Variants in ETF1 observed in about 807,000 individuals in gnomAD.
The protein encoded by ETF1 is eukaryotic peptide chain release factor subunit 1.
A neutral mutation model predicts 55.1 loss-of-function variants in ETF1; 4 were observed. That is an observed-to-expected ratio of 0.07 (90% CI 0.04 to 0.17). The LOEUF (loss-of-function observed/expected upper bound fraction) is 0.17. ETF1 is among the 10% of genes least tolerant of loss of function. The probability of loss-of-function intolerance (pLI) is 1.00; values close to 1 mark genes in which losing one functional copy is unlikely to be tolerated. For missense variants in ETF1, 142 were observed against 523.6 expected, an observed-to-expected ratio of 0.27 and a Z score of 7.11; for synonymous variants, 157 against 182.3, an observed-to-expected ratio of 0.86 and a Z score of 1.12.
intron 6 of ETF1, 179 bp downstream of exon 6, chr5:138,512,585 G>T (rs1310131119): frequency 4.0e-6 from 2 of 502,540 alleles, no homozygotes; most frequent in Non-Finnish European, 3.4e-6. Flanking sequence ...AAGAGAAGGG[G>T]TTCAGAAAAG....
intron 2 of ETF1, among the ~76,000 whole-genome samples, chr5:138,533,086 C>A (rs1276341426): frequency 6.6e-6 from 1 of 151,938 alleles, no homozygotes; most frequent in African/African-American, 2.4e-5. Context: ...ATTACAGACA[C>A]GGACCACCAC....
At chr5:138,535,322 A>G (rs1765874061) in intron 2 of ETF1, among the ~76,000 whole-genome samples, 1 of 136,224 alleles carries the variant, frequency 7.3e-6, no homozygotes, top group Non-Finnish European at 1.6e-5. Flanking sequence ...ACTGAAGCCC[A>G]TGGATGAATA....
chr5:138,533,899 C>T (rs932067193), intron 2 of ETF1, among the ~76,000 whole-genome samples: 3 of 152,128 alleles, frequency 2.0e-5, no homozygotes, highest in Admixed American at 2.0e-4. Flanking sequence ...ATTAATGCCA[C>T]CCCACTCCCT....
chr5:138,521,774 C>T (rs938452252), intron 2 of ETF1, among the ~76,000 whole-genome samples: 1 of 152,202 alleles, frequency 6.6e-6, no homozygotes, highest in East Asian at 1.9e-4. Context: ...AGGTGATCCC[C>T]CTGCCTCAGC....
rs373095286 is a variant in ETF1, at chr5:138,511,130, A to T, written c.933T>A (p.Ala311=). Residue 311 remains alanine (A), a synonymous_variant, in exon 8 of 11, where the codon GCT becomes GCA. Coordinates refer to ENST00000360541, the MANE Select transcript of ETF1 (RefSeq NM_004730.4). The stretch of plus-strand genomic sequence containing the variant: ...GAATTTCTACAGCTCCCATTTCCAA[A>T]GCCTTTAGTGTATCTTCAACGCCAA... ...YCFGVEDTLK[A]LEMGAVEILI... is the part of the protein sequence containing the mutation. The T allele has an allele frequency of 1.2e-6, 2 of 1,613,962 alleles. No homozygotes were observed. The highest frequency in any genetic ancestry group is 2.7e-5 in the African/African-American group (2 of 74,906).
At chr5:138,532,750 T>C (rs1384071322) in intron 2 of ETF1, among the ~76,000 whole-genome samples, 6 of 152,222 alleles carry the variant, frequency 3.9e-5, no homozygotes, top group Non-Finnish European at 7.3e-5. Context: ...GCCAGAACAC[T>C]GGAAACTCTG....
intron 2 of ETF1, among the ~76,000 whole-genome samples, chr5:138,531,218 C>T (rs911502746): frequency 2.6e-5 from 4 of 151,996 alleles, no homozygotes; most frequent in South Asian, 4.2e-4. Context: ...CACGCGCACA[C>T]AAAAAAGATA....
intron 6 of ETF1, among the ~76,000 whole-genome samples, chr5:138,512,246 ATATATATATATATTTTTT>A (rs1261216315): frequency 1.1e-4 from 1 of 9,316 alleles, no homozygotes; most frequent in African/African-American, 3.1e-4. Flanking sequence ...ATATATATAT[ATATATATATATATTTTTT>A]TTTTTTTTTA....
intron 4 of ETF1, among the ~76,000 whole-genome samples, chr5:138,517,244 G>GC (rs1765058540): frequency 6.6e-6 from 1 of 151,946 alleles, no homozygotes; most frequent in African/African-American, 2.4e-5. Flanking sequence ...GGTGGCATGT[G>GC]CCTGCAATCC....
At chr5:138,537,263 G>T (rs1765975097) in intron 2 of ETF1, among the ~76,000 whole-genome samples, 1 of 152,122 alleles carries the variant, frequency 6.6e-6, no homozygotes, top group African/African-American at 2.4e-5. Context: ...GTTCAGACCT[G>T]TGGCATCTGT....
chr5:138,522,042 A>G (rs1445329415), intron 2 of ETF1, among the ~76,000 whole-genome samples: 2 of 152,184 alleles, frequency 1.3e-5, no homozygotes, highest in Non-Finnish European at 2.9e-5. Flanking sequence ...GATCTACATC[A>G]AGTGGATTTC....
chr5:138,510,558 C>T lies in ETF1; in HGVS notation c.1083+7G>A, dbSNP rs770676071. 1 of 1,601,056 alleles carries T rather than the reference C, an allele frequency of 6.2e-7. No homozygotes were observed. Among genetic ancestry groups the T allele is most frequent in the Non-Finnish European group, 8.6e-7 (1 of 1,168,200 alleles). On this transcript the variant is annotated splice_region_variant and intron_variant, in intron 9 of 10. Coordinates refer to ENST00000360541, the MANE Select transcript of ETF1 (RefSeq NM_004730.4). ...CGTATCATCAAACCAAGAAAATAAT[C>T]ACATACCTCTTTGTCTGTGAAATGA...
intron 2 of ETF1, among the ~76,000 whole-genome samples, chr5:138,529,201 GT>G (rs1319228138): frequency 2.6e-5 from 4 of 151,962 alleles, no homozygotes; most frequent in Non-Finnish European, 5.9e-5. Context: ...GCAGATTAAC[GT>G]TTTTCCAGTA....
chr5:138,523,252 A>C (rs1245523198), intron 2 of ETF1, among the ~76,000 whole-genome samples: 1 of 152,192 alleles, frequency 6.6e-6, no homozygotes, highest in African/African-American at 2.4e-5. Context: ...CTGTAATCTC[A>C]GCTACTCAGG....
intron 4 of ETF1, among the ~76,000 whole-genome samples, chr5:138,516,180 A>C (rs1297461631): frequency 6.6e-6 from 1 of 151,978 alleles, no homozygotes; most frequent in Admixed American, 6.6e-5. Flanking sequence ...GCTACTAAAA[A>C]TTTTACAATT....
At chr5:138,533,030 C>T (rs933930301) in intron 2 of ETF1, among the ~76,000 whole-genome samples, 7 of 152,032 alleles carry the variant, frequency 4.6e-5, no homozygotes, top group Non-Finnish European at 2.9e-5. Context: ...ACCTCCGCCT[C>T]CCGGGTTCAA....
intron 3 of ETF1, 92 bp downstream of exon 3, chr5:138,518,600 G>GGT (rs1765116047): frequency 1.9e-6 from 2 of 1,064,450 alleles, no homozygotes; most frequent in Non-Finnish European, 2.7e-6. Flanking sequence ...CCGACTTAAG[G>GGT]GAACATTAGT....
intron 2 of ETF1, 84 bp from the exon 3 acceptor site, chr5:138,518,951 G>A: frequency 6.4e-7 from 1 of 1,567,266 alleles, no homozygotes. Flanking sequence ...CAAGCTACAG[G>A]GAGATGCCCC....
rs2127084009 is a variant in ETF1 at position 138,518,700 on chromosome 5, T to G, written c.254A>C (p.Tyr85Ser). The G allele has an allele frequency of 6.2e-7, 1 of 1,612,236 alleles. No homozygotes were observed. The highest frequency in any genetic ancestry group is 8.5e-7 in the Non-Finnish European group (1 of 1,178,662). Residue 85 changes from tyrosine (Y) to serine (S), a missense_variant, in exon 3 of 11, where the codon TAT (tyrosine) becomes TCT (serine). By Grantham distance (144) the Tyr-to-Ser change is moderately radical (BLOSUM62 -2). Around this residue, in one of 5 missense-constraint regions of ETF1, gnomAD observed 11 missense variants for 92.7 expected, o/e 0.12. Coordinates refer to ENST00000360541, the MANE Select transcript of ETF1 (RefSeq NM_004730.4). The part of the protein sequence containing the change: ...ITSVQQRLKL[Y>S]NKVPPNGLVV... The stretch of plus-strand genomic sequence containing the variant: ...AGCAAACTCCAGATTACCTTTGTTA[T>G]AAAGTTTGAGTCTTTGTTGTACAGA...
Sources: allele counts gnomAD v4.1 joint callset (sites outside exome capture counted in the v4.1 genomes callset), GRCh38; gene constraint gnomAD v4.1.1; regional missense constraint gnomAD v4.1.1; transcripts MANE v1.5; gene names NCBI Gene and HGNC (gene_info 2026-07-23, HGNC 2026-07-21).